Variants in EYS observed in about 807,000 individuals in gnomAD.
EYS encodes the protein EGF-like photoreceptor maintenance factor, also known as protein eyes shut homolog.
In EYS, 250 loss-of-function variants were observed where a neutral mutation model predicts 282.1. The ratio of observed to expected loss-of-function variants is 0.89; its 90% CI spans 0.80 to 0.98. The LOEUF (loss-of-function observed/expected upper bound fraction) is 0.98. EYS is among the 50% of genes least tolerant of loss of function. EYS has a pLI of 0.00. For missense variants in EYS, 4,016 were observed against 3,709.0 expected, an observed-to-expected ratio of 1.08 and a Z score of -2.15; for synonymous variants, 1,355 against 1,282.9, an observed-to-expected ratio of 1.06 and a Z score of -1.20.
intron 2 of EYS, among the ~76,000 whole-genome samples, chr6:65,624,830 A>G (rs1766640583): frequency 6.6e-6 from 1 of 152,142 alleles, no homozygotes; most frequent in Non-Finnish European, 1.5e-5. Context: ...GAGACTAAAG[A>G]TTGCACTGTT....
chr6:65,101,040 T>C (rs1461633851), intron 12 of EYS, among the ~76,000 whole-genome samples: 4 of 150,916 alleles, frequency 2.7e-5, no homozygotes, highest in Non-Finnish European at 4.5e-5. Flanking sequence ...AATGCAGGAG[T>C]TGGGATTCAA....
chr6:64,129,226 T>A (rs1773884869), intron 31 of EYS, among the ~76,000 whole-genome samples: 1 of 152,180 alleles, frequency 6.6e-6, no homozygotes, highest in African/African-American at 2.4e-5. Flanking sequence ...TTGAACTAGT[T>A]TACAGTCCCA....
At chr6:64,367,695 G>A (rs1220091218) in intron 29 of EYS, among the ~76,000 whole-genome samples, 1 of 151,832 alleles carries the variant, frequency 6.6e-6, no homozygotes, top group Non-Finnish European at 1.5e-5. Flanking sequence ...ATTCTATATT[G>A]CATATGTCAT....
chr6:64,066,374 C>A lies in EYS; in HGVS notation c.6689G>T (p.Ser2230Ile). The change falls in exon 33 of 43, where the codon AGC becomes ATC. Residue 2230 changes from serine to isoleucine, a missense_variant. Physicochemically the swap from Ser to Ile is moderately radical, Grantham distance 142. Coordinates refer to ENST00000503581, the MANE Select transcript of EYS (RefSeq NM_001142800.2). ...QNILTVSANY[S>I]INTNAFTPIT... is the part of the protein sequence containing the mutation. ...AGGGGTGAATGCATTTGTGTTAATG[C>A]TGTAATTAGCAGAAACAGTCAAAAT... 1 of 1,551,594 alleles carries A rather than the reference C, an allele frequency of 6.4e-7. No individual in the cohort carries two copies. Among genetic ancestry groups the A allele is most frequent in the South Asian group, 1.2e-5 (1 of 84,018 alleles).
chr6:64,586,642 T>C (rs1734510262), intron 26 of EYS, among the ~76,000 whole-genome samples: 1 of 152,086 alleles, frequency 6.6e-6, no homozygotes, highest in African/African-American at 2.4e-5. Flanking sequence ...TGTTAAAGTC[T>C]TTTTATTTAA....
At chr6:65,305,335 G>A (rs1291610857) in intron 11 of EYS, among the ~76,000 whole-genome samples, 2 of 152,200 alleles carry the variant, frequency 1.3e-5, no homozygotes, top group African/African-American at 4.8e-5. Flanking sequence ...TTGTCTTGAT[G>A]TACTTAATAT....
intron 2 of EYS, among the ~76,000 whole-genome samples, chr6:65,523,182 G>T (rs960006274): frequency 6.6e-6 from 1 of 151,884 alleles, no homozygotes; most frequent in Non-Finnish European, 1.5e-5. Flanking sequence ...GCATTATGGG[G>T]TAATGTATTC....
intron 35 of EYS, among the ~76,000 whole-genome samples, chr6:63,951,278 G>A (rs760534631): frequency 1.6e-4 from 25 of 151,940 alleles, no homozygotes; most frequent in African/African-American, 5.6e-4. Flanking sequence ...ATATAAACTC[G>A]ACAATTTTTC....
chr6:65,399,587 G>C (rs780931038), intron 7 of EYS, among the ~76,000 whole-genome samples: 15 of 152,038 alleles, frequency 9.9e-5, no homozygotes, highest in Non-Finnish European at 8.8e-5. Flanking sequence ...TTTTCTTTTA[G>C]TAGATAACTA....
intron 29 of EYS, among the ~76,000 whole-genome samples, chr6:64,353,495 G>A (rs954616756): frequency 1.3e-5 from 2 of 151,600 alleles, no homozygotes; most frequent in South Asian, 2.1e-4. Flanking sequence ...CAGACCTGGT[G>A]TAATTTCAAG....
chr6:64,978,680 G>C (rs1029624833), intron 14 of EYS, among the ~76,000 whole-genome samples: 69 of 152,046 alleles, frequency 4.5e-4, no homozygotes, highest in African/African-American at 1.5e-3. Context: ...AATTCTAGAT[G>C]CCATTAAGAA....
At chr6:64,465,597 C>A (rs527382545) in intron 26 of EYS, among the ~76,000 whole-genome samples, 1 of 151,914 alleles carries the variant, frequency 6.6e-6, no homozygotes, top group African/African-American at 2.4e-5. Context: ...ATTAAATAAA[C>A]TGAAAAGATT....
chr6:65,471,119 A>G (rs1369906847), intron 5 of EYS, among the ~76,000 whole-genome samples: 1 of 151,910 alleles, frequency 6.6e-6, no homozygotes, highest in Non-Finnish European at 1.5e-5. Flanking sequence ...CCTGGGTGAC[A>G]GAGCACGACG....
intron 31 of EYS, among the ~76,000 whole-genome samples, chr6:64,180,327 C>T (rs1013858898): frequency 6.6e-6 from 1 of 152,148 alleles, no homozygotes; most frequent in Admixed American, 6.6e-5. Context: ...TTGTATTAAA[C>T]ACCTAAAGCC....
intron 12 of EYS, among the ~76,000 whole-genome samples, chr6:65,137,262 T>C (rs1419533474): frequency 6.6e-6 from 1 of 152,070 alleles, no homozygotes; most frequent in Non-Finnish European, 1.5e-5. Context: ...GATTTAGTTA[T>C]GAAACAGCAT....
chr6:64,476,353 G>T (rs1237175928), intron 26 of EYS, among the ~76,000 whole-genome samples: 1 of 151,812 alleles, frequency 6.6e-6, no homozygotes, highest in African/African-American at 2.4e-5. Flanking sequence ...AACATAAAAA[G>T]AAGTGATGTA....
At chr6:63,964,821 A>C (rs1766229446) in intron 35 of EYS, among the ~76,000 whole-genome samples, 1 of 152,222 alleles carries the variant, frequency 6.6e-6, no homozygotes. Flanking sequence ...AGACAAGTAA[A>C]GTGACAATTT....
chr6:64,087,105 G>A (rs116531321), intron 31 of EYS, among the ~76,000 whole-genome samples: 2,485 of 152,200 alleles, frequency 0.016, 31 homozygotes, highest in Middle Eastern at 0.027. Context: ...TAAATAAATA[G>A]GATCCTTAGC....
chr6:64,496,333 C>A (rs1776888824), intron 26 of EYS, among the ~76,000 whole-genome samples: 1 of 151,210 alleles, frequency 6.6e-6, no homozygotes, highest in Non-Finnish European at 1.5e-5. Context: ...AAAAATCCAA[C>A]AAAACTACCA....
Sources: allele counts gnomAD v4.1 joint callset (sites outside exome capture counted in the v4.1 genomes callset), GRCh38; gene constraint gnomAD v4.1.1; transcripts MANE v1.5; gene names NCBI Gene and HGNC (gene_info 2026-07-23, HGNC 2026-07-21).